The following TOX variants were observed in gnomAD, a reference collection of about 807,000 sequenced individuals.
TOX encodes thymocyte selection-associated high mobility group box protein TOX.
In TOX, 11 loss-of-function variants were observed where a neutral mutation model predicts 53.7. The observed-to-expected ratio is 0.20, with a 90% CI of 0.13 to 0.34. The LOEUF (loss-of-function observed/expected upper bound fraction) is 0.34. TOX is among the 10% of genes least tolerant of loss of function. The pLI is 1.00. For synonymous variants in TOX, 225 were observed against 245.3 expected (o/e 0.92, Z 0.77); for missense variants, 570 against 664.6 (o/e 0.86, Z 1.56).
At chr8:58,893,725 T>C (rs1240363240) in intron 3 of TOX, among the ~76,000 whole-genome samples, 1 of 152,202 alleles carries the variant, frequency 6.6e-6, no homozygotes, top group Non-Finnish European at 1.5e-5. Context: ...CTAAGTTGAC[T>C]TTACATAGAA....
intron 5 of TOX, among the ~76,000 whole-genome samples, chr8:58,833,624 T>C (rs1453881224): frequency 6.6e-6 from 1 of 152,240 alleles, no homozygotes; most frequent in Non-Finnish European, 1.5e-5. Flanking sequence ...GAAAGATAAG[T>C]AGCAGAGACC....
chr8:58,822,225 C>G (rs1021071320), intron 6 of TOX, among the ~76,000 whole-genome samples: 11 of 152,202 alleles, frequency 7.2e-5, no homozygotes, highest in African/African-American at 2.4e-4. Flanking sequence ...CATGAATAAT[C>G]ACCACCCTAT....
At chr8:58,846,690 T>G (rs1014797090) in intron 4 of TOX, among the ~76,000 whole-genome samples, 4 of 152,126 alleles carry the variant, frequency 2.6e-5, no homozygotes, top group African/African-American at 9.7e-5. Context: ...CGAAGTGAAC[T>G]CAGAGACGAC....
chr8:58,948,291 C>G (rs1812558306), intron 2 of TOX, among the ~76,000 whole-genome samples: 1 of 152,138 alleles, frequency 6.6e-6, no homozygotes, highest in African/African-American at 2.4e-5. Context: ...TCTCCACATA[C>G]TTCCAGGAAA....
At chr8:59,108,780 C>T (rs990194311) in intron 1 of TOX, among the ~76,000 whole-genome samples, 7 of 152,200 alleles carry the variant, frequency 4.6e-5, no homozygotes, top group Middle Eastern at 3.4e-3. Flanking sequence ...ATTTTGGCTT[C>T]TCTCTGAGGA....
At chr8:58,908,922 C>T (rs1811865272) in intron 3 of TOX, among the ~76,000 whole-genome samples, 1 of 152,156 alleles carries the variant, frequency 6.6e-6, no homozygotes, top group Non-Finnish European at 1.5e-5. Flanking sequence ...TTGAAAACTA[C>T]CTACAGCTTT....
intron 1 of TOX, among the ~76,000 whole-genome samples, chr8:58,967,958 G>A (rs1021906073): frequency 6.6e-6 from 1 of 152,050 alleles, no homozygotes; most frequent in Non-Finnish European, 1.5e-5. Context: ...CTCCATCTTT[G>A]TTCTGCTTTC....
intron 1 of TOX, among the ~76,000 whole-genome samples, chr8:58,970,445 A>G (rs567663710): frequency 6.6e-6 from 1 of 152,316 alleles, no homozygotes; most frequent in African/African-American, 2.4e-5. Flanking sequence ...TCCAGCTTGG[A>G]ACACTTCTGA....
intron 1 of TOX, among the ~76,000 whole-genome samples, chr8:59,059,776 C>G (rs188289244): frequency 1.3e-5 from 2 of 152,266 alleles, no homozygotes; most frequent in East Asian, 3.9e-4. Context: ...ATATTTAGTG[C>G]TGCTTTGTGG....
intron 1 of TOX, among the ~76,000 whole-genome samples, chr8:59,023,953 A>T (rs1035718346): frequency 6.6e-6 from 1 of 152,214 alleles, no homozygotes; most frequent in Non-Finnish European, 1.5e-5. Context: ...AGTTGGGCAC[A>T]TGGAAGAAAA....
intron 1 of TOX, among the ~76,000 whole-genome samples, chr8:59,037,615 A>C (rs773247819): frequency 3.9e-5 from 6 of 152,096 alleles, no homozygotes; most frequent in Non-Finnish European, 8.8e-5. Flanking sequence ...CAGCCTGGCC[A>C]ACATGGTGAA....
intron 1 of TOX, among the ~76,000 whole-genome samples, chr8:59,031,921 C>T (rs966858084): frequency 2.0e-5 from 3 of 152,078 alleles, no homozygotes; most frequent in Admixed American, 1.3e-4. Flanking sequence ...TGGATTTTCC[C>T]CCTCAGTTCA....
chr8:59,055,646 C>T (rs930925905), intron 1 of TOX, among the ~76,000 whole-genome samples: 4 of 152,156 alleles, frequency 2.6e-5, no homozygotes, highest in African/African-American at 4.8e-5. Flanking sequence ...TGATCCCTGC[C>T]TCACACCTTA....
At chr8:59,006,342 G>A (rs1265025480) in intron 1 of TOX, among the ~76,000 whole-genome samples, 1 of 152,186 alleles carries the variant, frequency 6.6e-6, no homozygotes, top group South Asian at 2.1e-4. Flanking sequence ...ACTGGGTTCT[G>A]CCACTGGCTT....
chr8:58,922,303 G>A (rs1308368954), intron 3 of TOX, among the ~76,000 whole-genome samples: 3 of 152,112 alleles, frequency 2.0e-5, no homozygotes, highest in South Asian at 2.1e-4. Context: ...AAGATAAGAC[G>A]TAACGTATAT....
chr8:58,944,786 T>C (rs1472661876), intron 2 of TOX, among the ~76,000 whole-genome samples: 5 of 152,192 alleles, frequency 3.3e-5, no homozygotes, highest in African/African-American at 1.2e-4. Flanking sequence ...ATACATGCCA[T>C]GGGTTGGGTC....
intron 3 of TOX, among the ~76,000 whole-genome samples, chr8:58,886,601 CA>C (rs985135483): frequency 4.0e-5 from 6 of 151,770 alleles, no homozygotes; most frequent in African/African-American, 1.4e-4. Flanking sequence ...GCTTAAATGA[CA>C]AAAAAATATA....
At chr8:58,968,936 C>T (rs1211977379) in intron 1 of TOX, among the ~76,000 whole-genome samples, 1 of 151,956 alleles carries the variant, frequency 6.6e-6, no homozygotes, top group Non-Finnish European at 1.5e-5. Flanking sequence ...TTTAAAAAAC[C>T]AAGGACAAAC....
At chr8:58,869,110 C>T (rs1811152819) in intron 3 of TOX, among the ~76,000 whole-genome samples, 1 of 151,628 alleles carries the variant, frequency 6.6e-6, no homozygotes, top group African/African-American at 2.4e-5. Context: ...GCCTGTAGTC[C>T]CAGCTACTCA....
Sources: gnomAD v4.1 joint callset for allele counts (sites outside exome capture counted in the v4.1 genomes callset) on GRCh38, gnomAD v4.1.1 for gene constraint, MANE v1.5 for transcripts, NCBI Gene and HGNC (gene_info 2026-07-23, HGNC 2026-07-21) for gene names.